The following PARD3B variants were observed in gnomAD, a reference collection of about 807,000 sequenced individuals.
The protein encoded by PARD3B is partitioning defective 3 homolog B.
In PARD3B, 103 loss-of-function variants were observed where a neutral mutation model predicts 130.2. That is an observed-to-expected ratio of 0.79 (90% CI 0.67 to 0.93). The LOEUF (loss-of-function observed/expected upper bound fraction) is 0.93, where lower values mean the gene tolerates loss of function less well. Ranked by LOEUF, PARD3B falls within the 40% of genes least tolerant of loss-of-function variation. The probability of loss-of-function intolerance (pLI) is 0.00; values close to 1 mark genes in which losing one functional copy is unlikely to be tolerated. For synonymous variants in PARD3B, 583 were observed against 553.2 expected (o/e 1.05, Z -0.76); for missense variants, 1,609 against 1,499.2 (o/e 1.07, Z -1.21).
chr2:204,763,164 C>G (rs1241141491), intron 2 of PARD3B, among the ~76,000 whole-genome samples: 2 of 152,200 alleles, frequency 1.3e-5, no homozygotes, highest in Non-Finnish European at 2.9e-5. Context: ...AAATATGCAT[C>G]TCAGGGCTTG....
chr2:205,126,979 A>T (rs902328931), intron 10 of PARD3B, among the ~76,000 whole-genome samples: 17 of 151,820 alleles, frequency 1.1e-4, no homozygotes, highest in African/African-American at 4.1e-4. Context: ...ATTTTATTGA[A>T]ATTGTGCTTT....
chr2:205,335,072 A>C (rs1276820579), intron 18 of PARD3B, among the ~76,000 whole-genome samples: 1 of 152,216 alleles, frequency 6.6e-6, no homozygotes, highest in African/African-American at 2.4e-5. Flanking sequence ...CCTATAGTTT[A>C]TGCCCCTCCC....
At chr2:204,997,321 A>C (rs1250377317) in intron 3 of PARD3B, among the ~76,000 whole-genome samples, 1 of 152,210 alleles carries the variant, frequency 6.6e-6, no homozygotes, top group Non-Finnish European at 1.5e-5. Flanking sequence ...TTGAATTTGT[A>C]GATTAGTTTG....
intron 4 of PARD3B, among the ~76,000 whole-genome samples, chr2:205,089,591 C>G (rs1341854113): frequency 6.6e-6 from 1 of 152,192 alleles, no homozygotes; most frequent in African/African-American, 2.4e-5. Context: ...GGCACTTCAG[C>G]CTAGTGCTGT....
At chr2:204,781,858 G>A (rs2041843256) in intron 2 of PARD3B, among the ~76,000 whole-genome samples, 1 of 151,774 alleles carries the variant, frequency 6.6e-6, no homozygotes. Flanking sequence ...GTGCTTAACC[G>A]GCTGTTTATT....
chr2:205,345,287 T>C lies in PARD3B; in HGVS notation c.2630+43586T>C, dbSNP rs147024377. ...ATATGATTGGACAAAGAGGGTATGA[T>C]CTAATGGTAATAAACTTGGGGGTAC... On this transcript the variant is annotated intron_variant, in intron 18 of 22. Transcript: ENST00000406610. Among the ~76,000 whole-genome samples the C allele has an allele frequency of 1.9e-3, 293 of 152,294 alleles. 2 individuals are homozygous for C. Among genetic ancestry groups the C allele is most frequent in the Non-Finnish European group, 8.5e-4 (58 of 68,024 alleles).
rs1002988671 is a variant in PARD3B at position 204,999,498 on chromosome 2, C to T, written c.394+34175C>T. 2.6e-5 allele frequency among the ~76,000 whole-genome samples: 4 copies of T among 152,160 alleles called. No homozygotes were observed. The South Asian group carries it at 8.3e-4, about 31-fold the overall frequency. On this transcript the variant is annotated intron_variant, in intron 3 of 22. Coordinates refer to ENST00000406610, the MANE Select transcript of PARD3B (RefSeq NM_001302769.2). ...TTAAAATTGAATTCTGAGCTTTGAA[C>T]ATGTTCTTTTTCAGTTTCACCTGAT...
chr2:204,691,394 G>C (rs953691816), intron 2 of PARD3B, among the ~76,000 whole-genome samples: 3 of 152,012 alleles, frequency 2.0e-5, no homozygotes, highest in Non-Finnish European at 4.4e-5. Context: ...GCCTATCCTA[G>C]GGGGCTAGTT....
rs78823238 is a variant in PARD3B, at chr2:204,556,772, A to G, written c.120+10653A>G. Among the ~76,000 whole-genome samples, 546 of 152,340 alleles carry G rather than the reference A, an allele frequency of 3.6e-3. 2 individuals carry two copies. Among genetic ancestry groups the G allele is most frequent in the African/African-American group, 0.013 (534 of 41,576 alleles). ...TTTGCATGAGTTTAAAAATATGTGT[A>G]TAAACTTAAAATGGAGCATTTTCAG... On this transcript the variant is annotated intron_variant, in intron 1 of 22. Transcript: ENST00000406610.
intron 22 of PARD3B, among the ~76,000 whole-genome samples, chr2:205,612,949 C>T (rs1284738457): frequency 4.6e-5 from 7 of 152,268 alleles, no homozygotes; most frequent in South Asian, 2.1e-4. Context: ...CCCATGTGCT[C>T]GCCGACTGTA....
chr2:205,488,511 G>T (rs1188676095), intron 20 of PARD3B, among the ~76,000 whole-genome samples: 1 of 152,090 alleles, frequency 6.6e-6, no homozygotes, highest in Non-Finnish European at 1.5e-5. Context: ...TGCTTTAGGA[G>T]GATACTATAT....
At chr2:205,306,159 T>C (rs1267704390) in intron 18 of PARD3B, among the ~76,000 whole-genome samples, 1 of 152,090 alleles carries the variant, frequency 6.6e-6, no homozygotes, top group East Asian at 1.9e-4. Flanking sequence ...GTAGGCAGCC[T>C]CTAGAAACTA....
Position 204,950,677 on chromosome 2 carries a change from A to G in PARD3B, c.223-14475A>G, listed in dbSNP as rs80300011. Among the ~76,000 whole-genome samples the G allele has an allele frequency of 9.7e-3, 1,484 of 152,290 alleles. 30 individuals are homozygous for G. Among genetic ancestry groups the G allele is most frequent in the African/African-American group, 0.033 (1,383 of 41,562 alleles). ...TTCTTTCGTATTTAAATGAAACAAG[A>G]CATCTCTGCATTTACCTTTGACTTA... On this transcript the variant is annotated intron_variant, in intron 2 of 22. Transcript: ENST00000406610.
chr2:204,824,796 G>T (rs1349327155), intron 2 of PARD3B, among the ~76,000 whole-genome samples: 1 of 152,162 alleles, frequency 6.6e-6, no homozygotes, highest in African/African-American at 2.4e-5. Flanking sequence ...TGCTGAGGCT[G>T]TGAACATTCC....
In PARD3B at chr2:205,263,304, C is replaced by G. The variant is rs986991305; in HGVS notation, c.2185+17482C>G. On this transcript the variant is annotated intron_variant, in intron 16 of 22. Transcript: ENST00000406610. The surrounding 1 kb of genome is among the most constrained non-coding windows in gnomAD (Gnocchi z 4.0). The stretch of plus-strand genomic sequence containing the variant: ...GGTGACAAAGGTGGTGGGGCAAAAA[C>G]AGTGGGAATATATGGAAGCAGCAAG... Among the ~76,000 whole-genome samples, 6 of 151,456 alleles carry G rather than the reference C, an allele frequency of 4.0e-5. No individual in the cohort carries two copies. Among genetic ancestry groups the G allele is most frequent in the Non-Finnish European group, 7.4e-5 (5 of 67,784 alleles).
At chr2:205,238,139 G>A (rs116158189) in intron 15 of PARD3B, among the ~76,000 whole-genome samples, 16 of 152,154 alleles carry the variant, frequency 1.1e-4, no homozygotes, top group African/African-American at 3.4e-4. Context: ...GTACCTGAGC[G>A]GTGCTAGACG....
chr2:205,520,897 G>T (rs144507880), intron 21 of PARD3B, among the ~76,000 whole-genome samples: 1 of 151,710 alleles, frequency 6.6e-6, no homozygotes, highest in Non-Finnish European at 1.5e-5. Context: ...ATTATTGGAC[G>T]TTTAAGTTGT....
intron 18 of PARD3B, among the ~76,000 whole-genome samples, chr2:205,395,941 A>G (rs1044908850): frequency 6.6e-6 from 1 of 151,752 alleles, no homozygotes; most frequent in African/African-American, 2.4e-5. Context: ...ACCTCCCATC[A>G]CTCTTAGATT....
Position 204,800,157 on chromosome 2 carries a change from A to G in PARD3B, c.222+113875A>G, listed in dbSNP as rs1281297562. ...GCACAGAGAAGGAATTCAGAATCCT[A>G]TCAGATAAATTTCACTAAGAGATTG... On this transcript the variant is annotated intron_variant, in intron 2 of 22. Transcript: ENST00000406610. Among the ~76,000 whole-genome samples the G allele has an allele frequency of 2.0e-5, 3 of 152,226 alleles. 1 individual carries two copies. The highest frequency in any genetic ancestry group is 4.1e-4 in the South Asian group (2 of 4,834).
Sources: allele counts gnomAD v4.1 joint callset (sites outside exome capture counted in the v4.1 genomes callset), GRCh38; gene constraint gnomAD v4.1.1; non-coding constraint Gnocchi (gnomAD v3.1); transcripts MANE v1.5; gene names NCBI Gene and HGNC (gene_info 2026-07-23, HGNC 2026-07-21).